Variants in KATNAL2 observed in about 807,000 individuals in gnomAD.
KATNAL2 encodes the protein katanin catalytic subunit A1 like 2, also known as katanin p60 ATPase-containing subunit A-like 2.
KATNAL2 carries 52 observed loss-of-function variants against 76.3 expected under a neutral mutation model. The observed-to-expected ratio is 0.68, with a 90% CI of 0.55 to 0.86. KATNAL2 has a LOEUF of 0.86. Among genes scored for constraint, KATNAL2 ranks in the 40% least tolerant of loss-of-function variants. The pLI is 0.00. For missense variants in KATNAL2, 660 were observed against 668.9 expected (o/e 0.99, Z 0.15); for synonymous variants, 243 against 244.2 (o/e 1.00, Z 0.05).
At chr18:46,948,687 C>A (rs942787827) in intron 3 of KATNAL2, among the ~76,000 whole-genome samples, 1 of 152,072 alleles carries the variant, frequency 6.6e-6, no homozygotes, top group Non-Finnish European at 1.5e-5. Context: ...CTTGGCCTCC[C>A]AAAGTGCTGG....
At chr18:46,958,953 A>T (rs187723316) in intron 3 of KATNAL2, among the ~76,000 whole-genome samples, 1 of 152,354 alleles carries the variant, frequency 6.6e-6, no homozygotes, top group African/African-American at 2.4e-5. Context: ...TGCCTTGGTG[A>T]ACCTTTTATA....
intron 15 of KATNAL2, among the ~76,000 whole-genome samples, chr18:47,096,229 T>C (rs935607518): frequency 6.6e-6 from 1 of 152,194 alleles, no homozygotes; most frequent in Middle Eastern, 3.4e-3. Context: ...TATTGTAACA[T>C]AGATTCAGAA....
intron 3 of KATNAL2, among the ~76,000 whole-genome samples, chr18:47,031,511 G>C (rs1180776314): frequency 6.6e-6 from 1 of 152,026 alleles, no homozygotes; most frequent in Non-Finnish European, 1.5e-5. Context: ...ATGGGGATTC[G>C]GGTGTTAAGC....
rs116655232 is a variant in KATNAL2 at position 47,062,582 on chromosome 18, C to T, written c.550-390C>T. 1.9e-3 allele frequency among the ~76,000 whole-genome samples: 288 copies of T among 152,248 alleles called. 2 individuals are homozygous for T. Among genetic ancestry groups the T allele is most frequent in the African/African-American group, 6.6e-3 (273 of 41,542 alleles). Reference sequence around the variant, plus strand: ...ACCCAGCACTCTATTGAGTGGTGAACGTGTATCACAATCCATAGACAGGAA... The same window carrying T: ...ACCCAGCACTCTATTGAGTGGTGAATGTGTATCACAATCCATAGACAGGAA... On this transcript the variant is annotated intron_variant, in intron 8 of 17. Coordinates refer to ENST00000683218, the MANE Select transcript of KATNAL2 (RefSeq NM_001387690.1).
intron 3 of KATNAL2, among the ~76,000 whole-genome samples, chr18:47,039,091 C>T (rs2060875492): frequency 6.6e-6 from 1 of 152,102 alleles, no homozygotes; most frequent in South Asian, 2.1e-4. Context: ...TCTTGAATAG[C>T]TTCAAAATAT....
intron 3 of KATNAL2, chr18:47,034,918 G>A (rs974032541): frequency 1.9e-6 from 3 of 1,611,820 alleles, no homozygotes; most frequent in African/African-American, 2.7e-5. Context: ...GGGGGCCGTC[G>A]CGTTTTCTGG....
intron 11 of KATNAL2, among the ~76,000 whole-genome samples, chr18:47,067,526 C>A (rs779572499): frequency 6.6e-6 from 1 of 152,166 alleles, no homozygotes; most frequent in Non-Finnish European, 1.5e-5. Flanking sequence ...TCCCCAGGAT[C>A]GTCTGGGGCT....
At chr18:46,936,149 A>G (rs2059084300) in intron 1 of KATNAL2, among the ~76,000 whole-genome samples, 1 of 152,194 alleles carries the variant, frequency 6.6e-6, no homozygotes, top group South Asian at 2.1e-4. Context: ...TACCTATCTC[A>G]GTAACTGAGC....
intron 1 of KATNAL2, among the ~76,000 whole-genome samples, chr18:46,932,402 C>T (rs190603914): frequency 1.2e-4 from 18 of 151,878 alleles, no homozygotes; most frequent in African/African-American, 3.6e-4. Flanking sequence ...GGGCTGGGCA[C>T]GGTGGCTCAC....
intron 3 of KATNAL2, among the ~76,000 whole-genome samples, chr18:47,038,519 CTA>C (rs2060855778): frequency 6.6e-6 from 1 of 152,130 alleles, no homozygotes; most frequent in Non-Finnish European, 1.5e-5. Flanking sequence ...AATTGATCCT[CTA>C]GAGTATAAAT....
intron 15 of KATNAL2, among the ~76,000 whole-genome samples, chr18:47,093,401 CTTTTT>C (rs557793941): frequency 7.8e-6 from 1 of 127,752 alleles, no homozygotes; most frequent in Non-Finnish European, 1.7e-5. Context: ...TTTCTCTGTC[CTTTTT>C]TTTTTTTTTT....
intron 3 of KATNAL2, chr18:47,034,868 G>A (rs997095387): frequency 1.9e-6 from 3 of 1,612,114 alleles, no homozygotes; most frequent in Non-Finnish European, 2.5e-6. Context: ...GGTGTTCTGC[G>A]TGCTGTCCGT....
At chr18:47,057,204 C>T (rs1021611451) in intron 6 of KATNAL2, among the ~76,000 whole-genome samples, 3 of 152,190 alleles carry the variant, frequency 2.0e-5, no homozygotes, top group African/African-American at 7.2e-5. Context: ...TCTGAGATCA[C>T]TCTGAACATG....
At chr18:47,037,808 C>A (rs1170880658) in intron 3 of KATNAL2, among the ~76,000 whole-genome samples, 1 of 151,964 alleles carries the variant, frequency 6.6e-6, no homozygotes, top group African/African-American at 2.4e-5. Flanking sequence ...ACCTGGTCAC[C>A]ACAAGTAAAA....
intron 13 of KATNAL2, among the ~76,000 whole-genome samples, chr18:47,072,318 A>T (rs2062036720): frequency 6.6e-6 from 1 of 152,116 alleles, no homozygotes; most frequent in South Asian, 2.1e-4. Context: ...GTATAAGAGG[A>T]TACACAGACT....
intron 10 of KATNAL2, among the ~76,000 whole-genome samples, chr18:47,064,213 C>T (rs1035546573): frequency 9.4e-5 from 14 of 149,650 alleles, no homozygotes; most frequent in African/African-American, 3.2e-4. Flanking sequence ...TTTCTCATCC[C>T]AGGGACAAAG....
chr18:46,958,830 G>T (rs980956936), intron 3 of KATNAL2, among the ~76,000 whole-genome samples: 1 of 152,120 alleles, frequency 6.6e-6, no homozygotes, highest in African/African-American at 2.4e-5. Flanking sequence ...ATGGTTTTTG[G>T]AAAACTGGAA....
chr18:47,097,117 TCA>T (rs1568028573), intron 15 of KATNAL2, among the ~76,000 whole-genome samples: 1 of 88,462 alleles, frequency 1.1e-5, no homozygotes, highest in African/African-American at 4.5e-5. Context: ...AGACCCTGGC[TCA>T]AAAAAAAAAA....
chr18:46,944,627 C>T (rs2146649807), intron 1 of KATNAL2, among the ~76,000 whole-genome samples: 1 of 152,220 alleles, frequency 6.6e-6, no homozygotes, highest in East Asian at 1.9e-4. Context: ...CCCAGCTACT[C>T]AGGAGGCTGA....
Sources: allele counts gnomAD v4.1 joint callset (sites outside exome capture counted in the v4.1 genomes callset), GRCh38; gene constraint gnomAD v4.1.1; transcripts MANE v1.5; gene names NCBI Gene and HGNC (gene_info 2026-07-23, HGNC 2026-07-21).